The following JMJD1C variants were observed in gnomAD, a reference collection of about 807,000 sequenced individuals.
JMJD1C encodes the protein jumonji domain containing 1C, also known as jumonji domain-containing protein 1C.
JMJD1C carries 31 observed loss-of-function variants against 245.3 expected under a neutral mutation model. The ratio of observed to expected loss-of-function variants is 0.13; its 90% CI spans 0.09 to 0.17. JMJD1C has a LOEUF of 0.17. JMJD1C is among the 10% of genes least tolerant of loss of function. The probability of loss-of-function intolerance (pLI) is 1.00; values close to 1 mark genes in which losing one functional copy is unlikely to be tolerated. For missense variants in JMJD1C, 2,691 were observed against 3,000.2 expected (o/e 0.90, Z 2.41); for synonymous variants, 1,057 against 1,017.4 (o/e 1.04, Z -0.74).
rs531173248 is a variant in JMJD1C, at chr10:63,208,583, C to T, written c.3086G>A (p.Ser1029Asn). The change falls in exon 10 of 26, where the codon AGT becomes AAT. Residue 1029 changes from serine to asparagine, a missense_variant. By Grantham distance (46) the Ser-to-Asn change is conservative. This residue lies in a region of JMJD1C where 1,562 missense variants were observed against 1,490.7 expected (regional missense o/e 1.05). Coordinates refer to ENST00000399262, the MANE Select transcript of JMJD1C (RefSeq NM_032776.3). ...KEEHRRILQESIDVAPFTTKI... is the reference protein window; with the variant it reads ...KEEHRRILQENIDVAPFTTKI... ...AGTTGTAAAGGGAGCAACATCAATA[C>T]TTTCTTGAAGAATTCGACGGTGTTC... The T allele has an allele frequency of 2.5e-6, 4 of 1,614,066 alleles. No homozygotes were observed. The highest frequency in any genetic ancestry group is 3.4e-6 in the Non-Finnish European group (4 of 1,179,930).
chr10:63,476,947 T>G (rs1953680247), intron 1 of JMJD1C, among the ~76,000 whole-genome samples: 1 of 152,082 alleles, frequency 6.6e-6, no homozygotes, highest in South Asian at 2.1e-4. Flanking sequence ...TCACTACAGA[T>G]TCTACAAATA....
At chr10:63,466,677 A>G (rs1953301962), upstream of JMJD1C, 1 of 152,248 alleles carries the variant, frequency 6.6e-6, no homozygotes, top group Non-Finnish European at 1.5e-5. Context: ...GTACTGGTAC[A>G]CAGCTCAAAC....
chr10:63,500,340 T>C (rs1212728697), intron 1 of JMJD1C, among the ~76,000 whole-genome samples: 1 of 151,952 alleles, frequency 6.6e-6, no homozygotes, highest in African/African-American at 2.4e-5. Flanking sequence ...GGAGGATTGC[T>C]TGAGCCCAGG....
chr10:63,222,325 T>TAA (rs1848693546), intron 3 of JMJD1C: 2 of 1,331,916 alleles, frequency 1.5e-6, no homozygotes, highest in African/African-American at 2.9e-5. Context: ...TACAAGACAG[T>TAA]AAAGATGCAC....
At chr10:63,405,477 A>G (rs957380767) in intron 1 of JMJD1C, among the ~76,000 whole-genome samples, 18 of 151,906 alleles carry the variant, frequency 1.2e-4, no homozygotes, top group South Asian at 4.2e-4. Context: ...TGCGCCACCA[A>G]GCTCAGCTAA....
intron 1 of JMJD1C, among the ~76,000 whole-genome samples, chr10:63,430,268 G>A (rs978028670): frequency 2.0e-5 from 3 of 152,180 alleles, no homozygotes; most frequent in Admixed American, 6.5e-5. Flanking sequence ...GAATATCTTT[G>A]TGACATTGAG....
chr10:63,454,000 G>A (rs972527498), intron 1 of JMJD1C, among the ~76,000 whole-genome samples: 38 of 152,176 alleles, frequency 2.5e-4, no homozygotes, highest in African/African-American at 8.9e-4. Flanking sequence ...TGGGATTACA[G>A]GCTTGAGCCA....
At chr10:63,340,086 C>T (rs1010680333) in intron 2 of JMJD1C, among the ~76,000 whole-genome samples, 1 of 151,924 alleles carries the variant, frequency 6.6e-6, no homozygotes, top group Non-Finnish European at 1.5e-5. Context: ...GTAAATTACA[C>T]ATATATAGGT....
Position 63,215,474 on chromosome 10 carries a change from C to T in JMJD1C, c.823-19G>A. 6.2e-7 allele frequency: 1 copy of T among 1,613,154 alleles called. No individual in the cohort carries two copies. On this transcript the variant is annotated intron_variant, in intron 6 of 25. Coordinates refer to ENST00000399262, the MANE Select transcript of JMJD1C (RefSeq NM_032776.3). Reference sequence around the variant, plus strand: ...AATGGCTCTAAAAATAACCAATTAACAGTAATTGTTTACTACCTGGTTTCT... The same window carrying T: ...AATGGCTCTAAAAATAACCAATTAATAGTAATTGTTTACTACCTGGTTTCT...
intron 2 of JMJD1C, among the ~76,000 whole-genome samples, chr10:63,342,161 C>T (rs1943439062): frequency 6.6e-6 from 1 of 152,084 alleles, no homozygotes; most frequent in East Asian, 1.9e-4. Flanking sequence ...AATGATATTC[C>T]AATTGTTCAT....
intron 3 of JMJD1C, among the ~76,000 whole-genome samples, chr10:63,231,259 T>C (rs1320634058): frequency 6.6e-6 from 1 of 152,202 alleles, no homozygotes; most frequent in Admixed American, 6.5e-5. Context: ...TTTGATTTTC[T>C]AAATAAGATG....
At chr10:63,434,358 C>T (rs1255855780) in intron 1 of JMJD1C, among the ~76,000 whole-genome samples, 1 of 152,126 alleles carries the variant, frequency 6.6e-6, no homozygotes, top group Non-Finnish European at 1.5e-5. Flanking sequence ...ATTATGTAAG[C>T]TTTCTGATCA....
intron 1 of JMJD1C, among the ~76,000 whole-genome samples, chr10:63,497,817 A>T (rs551930726): frequency 6.6e-6 from 1 of 152,310 alleles, no homozygotes; most frequent in Non-Finnish European, 1.5e-5. Context: ...GGGAAAGTGG[A>T]GGCGCAAGTA....
rs1372428661 is a variant in JMJD1C, at chr10:63,214,479, T to C, written c.1688A>G (p.Gln563Arg). The C allele has an allele frequency of 6.2e-7, 1 of 1,613,928 alleles. No homozygotes were observed. The highest frequency in any genetic ancestry group is 1.7e-5 in the Admixed American group (1 of 60,024). Residue 563 changes from glutamine to arginine, a missense_variant, in exon 8 of 26, where the codon CAG becomes CGG. Gln to Arg is a conservative substitution (Grantham distance 43). Transcript: ENST00000399262. ...FLETAKKDSDQSWVSDVVKVD... is the reference protein window; with the variant it reads ...FLETAKKDSDRSWVSDVVKVD... ...TTTAACTACATCACTGACCCAGCTCTGGTCAGAATCTTTTTTTGCTGTTTC... is the reference window on the plus strand; with the variant it reads ...TTTAACTACATCACTGACCCAGCTCCGGTCAGAATCTTTTTTTGCTGTTTC...
At chr10:63,311,451 G>A (rs956070460) in intron 2 of JMJD1C, among the ~76,000 whole-genome samples, 4 of 151,906 alleles carry the variant, frequency 2.6e-5, no homozygotes, top group African/African-American at 7.3e-5. Flanking sequence ...TAATCCTCAC[G>A]TGTCCATCAT....
At chr10:63,244,823 G>C (rs1851961841) in intron 3 of JMJD1C, among the ~76,000 whole-genome samples, 2 of 144,304 alleles carry the variant, frequency 1.4e-5, no homozygotes, top group African/African-American at 2.5e-5. Flanking sequence ...AAAAAGGGGG[G>C]GGGAGGGGGG....
At chr10:63,247,323 C>CT (rs1852349342) in intron 3 of JMJD1C, among the ~76,000 whole-genome samples, 1 of 151,924 alleles carries the variant, frequency 6.6e-6, no homozygotes, top group South Asian at 2.1e-4. Context: ...ACTATACAAG[C>CT]TAACAAATTG....
chr10:63,399,092 T>G (rs1251378024), intron 1 of JMJD1C, among the ~76,000 whole-genome samples: 2 of 152,194 alleles, frequency 1.3e-5, no homozygotes, highest in Non-Finnish European at 2.9e-5. Context: ...ACAATAGATG[T>G]TTTTTAGGGA....
chr10:63,402,356 C>T (rs1375896037), intron 1 of JMJD1C, among the ~76,000 whole-genome samples: 2 of 152,038 alleles, frequency 1.3e-5, no homozygotes, highest in East Asian at 3.9e-4. Flanking sequence ...TTCCACTTTC[C>T]CTTTTCTTTT....
Sources: gnomAD v4.1 joint callset for allele counts (sites outside exome capture counted in the v4.1 genomes callset) on GRCh38, gnomAD v4.1.1 for gene constraint, gnomAD v4.1.1 regional missense constraint, MANE v1.5 for transcripts, NCBI Gene and HGNC (gene_info 2026-07-23, HGNC 2026-07-21) for gene names.